The following ROR1 variants were observed in gnomAD, a reference collection of about 807,000 sequenced individuals.
ROR1 encodes the protein inactive tyrosine-protein kinase transmembrane receptor ROR1.
In ROR1, 19 loss-of-function variants were observed where a neutral mutation model predicts 78.8. That is an observed-to-expected ratio of 0.24 (90% CI 0.17 to 0.35). The LOEUF (loss-of-function observed/expected upper bound fraction) is 0.35. Ranked by LOEUF, ROR1 falls within the 10% of genes least tolerant of loss-of-function variation. ROR1 has a pLI of 1.00. For synonymous variants in ROR1, 386 were observed against 433.6 expected, an observed-to-expected ratio of 0.89 and a Z score of 1.36; for missense variants, 917 against 1,177.8, an observed-to-expected ratio of 0.78 and a Z score of 3.24.
chr1:64,156,631 C>T (rs937421913), intron 7 of ROR1, among the ~76,000 whole-genome samples: 23 of 150,668 alleles, frequency 1.5e-4, no homozygotes, highest in African/African-American at 5.4e-4. Context: ...CGCTTGAACC[C>T]GGGAGGCGGA....
intron 1 of ROR1, among the ~76,000 whole-genome samples, chr1:63,936,058 C>A (rs1645791908): frequency 6.6e-6 from 1 of 152,178 alleles, no homozygotes; most frequent in Non-Finnish European, 1.5e-5. Context: ...CATTTAAGTA[C>A]ACACTGGCAT....
At chr1:63,827,630 C>T (rs1024521492) in intron 1 of ROR1, among the ~76,000 whole-genome samples, 4 of 152,162 alleles carry the variant, frequency 2.6e-5, no homozygotes, top group Admixed American at 1.3e-4. Flanking sequence ...AGGAAACTAT[C>T]TAGGTTTCTT....
intron 2 of ROR1, among the ~76,000 whole-genome samples, chr1:64,024,097 G>A (rs1349107243): frequency 3.3e-5 from 5 of 152,026 alleles, no homozygotes; most frequent in East Asian, 1.9e-4. Context: ...AGGTTTCCCC[G>A]GCCATGTGGA....
intron 7 of ROR1, among the ~76,000 whole-genome samples, chr1:64,154,275 T>A (rs575719016): frequency 6.6e-6 from 1 of 152,390 alleles, no homozygotes; most frequent in East Asian, 1.9e-4. Flanking sequence ...TCCAGGCATA[T>A]GCCTAAATCA....
chr1:64,157,694 T>A (rs1057384050), intron 7 of ROR1, among the ~76,000 whole-genome samples: 6 of 152,358 alleles, frequency 3.9e-5, no homozygotes, highest in African/African-American at 1.4e-4. Flanking sequence ...TTTTCATCAC[T>A]ATCTTTATAC....
chr1:63,888,860 A>G (rs1645375092), intron 1 of ROR1, among the ~76,000 whole-genome samples: 1 of 152,176 alleles, frequency 6.6e-6, no homozygotes. Context: ...CATAAGAGAC[A>G]TTGTATTAGT....
intron 1 of ROR1, among the ~76,000 whole-genome samples, chr1:63,966,148 A>G (rs996282654): frequency 2.6e-5 from 4 of 152,196 alleles, no homozygotes; most frequent in Admixed American, 6.5e-5. Context: ...AATTTCGCCA[A>G]TGTGGTTAAA....
chr1:64,134,516 A>G (rs981388584), intron 4 of ROR1, among the ~76,000 whole-genome samples: 1 of 152,166 alleles, frequency 6.6e-6, no homozygotes, highest in African/African-American at 2.4e-5. Context: ...ATAGCTCATC[A>G]GGGGCTGCTT....
rs1300752819 is a variant in ROR1 at position 64,179,130 on chromosome 1, C to T, written c.*275C>T. On this transcript the variant is annotated 3_prime_UTR_variant, in exon 9 of 9. Coordinates refer to ENST00000371079, the MANE Select transcript of ROR1 (RefSeq NM_005012.4). ...GGATTGGAACATGTGGTTTCGAGCA[C>T]TGAAAGCTGCAAACCAGTGAAGAGG... 9.4e-6 allele frequency: 3 copies of T among 319,260 alleles called. No individual in the cohort carries two copies. The highest frequency in any genetic ancestry group is 1.7e-5 in the Non-Finnish European group (3 of 175,540). 19.8% of individuals were successfully genotyped at this position (319,260 alleles called of 1,614,324 possible). A position where few individuals can be genotyped will look rare whatever the true frequency, so the allele number is the denominator to read the frequency against.
chr1:63,873,453 CAGA>C (rs1449347973), intron 1 of ROR1, among the ~76,000 whole-genome samples: 2 of 152,080 alleles, frequency 1.3e-5, no homozygotes, highest in African/African-American at 4.8e-5. Context: ...AAGCAACACC[CAGA>C]AGGAGTGAGC....
chr1:64,121,237 C>G (rs1569806861), intron 4 of ROR1, among the ~76,000 whole-genome samples: 1 of 74,288 alleles, frequency 1.3e-5, no homozygotes, highest in Non-Finnish European at 2.9e-5. Context: ...TTTCCTCCTT[C>G]CTTCCTTCCT....
At chr1:63,984,271 G>A (rs1312502109) in intron 1 of ROR1, among the ~76,000 whole-genome samples, 1 of 152,112 alleles carries the variant, frequency 6.6e-6, no homozygotes, top group Non-Finnish European at 1.5e-5. Context: ...ATTTAAGAAA[G>A]CTTATAAGGG....
intron 1 of ROR1, among the ~76,000 whole-genome samples, chr1:63,968,467 C>T (rs2100493973): frequency 7.6e-6 from 1 of 132,016 alleles, no homozygotes; most frequent in Admixed American, 7.0e-5. Context: ...ACTTCTCTTT[C>T]TGTTTTTTTT....
intron 2 of ROR1, among the ~76,000 whole-genome samples, chr1:64,035,081 A>G (rs1273725214): frequency 1.3e-5 from 2 of 152,198 alleles, no homozygotes; most frequent in Non-Finnish European, 2.9e-5. Context: ...TTCAAATCAC[A>G]TCTTTTGGTA....
chr1:63,777,284 C>G (rs1569685790), intron 1 of ROR1, among the ~76,000 whole-genome samples: 2 of 152,172 alleles, frequency 1.3e-5, no homozygotes, highest in African/African-American at 4.8e-5. Flanking sequence ...ATTTTGTAAA[C>G]CTTCCGTTGC....
At chr1:64,054,104 C>G (rs2100596978) in intron 4 of ROR1, among the ~76,000 whole-genome samples, 1 of 152,282 alleles carries the variant, frequency 6.6e-6, no homozygotes, top group South Asian at 2.1e-4. Context: ...CAGGCACGCA[C>G]TACCGTGCCT....
At chr1:63,816,242 G>A (rs796394958) in intron 1 of ROR1, among the ~76,000 whole-genome samples, 1 of 152,130 alleles carries the variant, frequency 6.6e-6, no homozygotes, top group South Asian at 2.1e-4. Context: ...TGAGGAGAGT[G>A]ATTGATATGG....
At chr1:64,017,730 G>A (rs138396142) in intron 2 of ROR1, among the ~76,000 whole-genome samples, 5 of 152,300 alleles carry the variant, frequency 3.3e-5, no homozygotes, top group Non-Finnish European at 7.4e-5. Context: ...GCAGATGGCT[G>A]TGTGAGCAGC....
At position 63,959,252 on chromosome 1, in the gene ROR1, A is replaced by G. The variant is rs574966212; in HGVS notation, c.92-50053A>G. Among the ~76,000 whole-genome samples the G allele has an allele frequency of 2.4e-4, 36 of 152,286 alleles. 1 individual carries two copies. Among genetic ancestry groups the G allele is most frequent in the Admixed American group, 2.1e-3 (32 of 15,290 alleles). On this transcript the variant is annotated intron_variant, in intron 1 of 8. Transcript: ENST00000371079. ...CTGTCATGAGAAGAGCAGGAGGGTA[A>G]CCACCCCCATGATTCAATTACGTCC...
Sources: gnomAD v4.1 joint callset for allele counts (sites outside exome capture counted in the v4.1 genomes callset) on GRCh38, gnomAD v4.1.1 for gene constraint, MANE v1.5 for transcripts, NCBI Gene and HGNC (gene_info 2026-07-23, HGNC 2026-07-21) for gene names.